The following NAALADL2 variants were observed in gnomAD, a reference collection of about 807,000 sequenced individuals.
The protein encoded by NAALADL2 is inactive N-acetylated-alpha-linked acidic dipeptidase-like protein 2.
NAALADL2 carries 76 observed loss-of-function variants against 87.2 expected under a neutral mutation model. The observed-to-expected ratio is 0.87, with a 90% confidence interval of 0.72 to 1.05. The LOEUF (loss-of-function observed/expected upper bound fraction) is 1.05, where lower values mean the gene tolerates loss of function less well. NAALADL2 is among the 50% of genes least tolerant of loss of function. NAALADL2 has a pLI of 0.00. For synonymous variants in NAALADL2, 354 were observed against 331.0 expected, an observed-to-expected ratio of 1.07 and a Z score of -0.75; for missense variants, 1,089 against 945.8, an observed-to-expected ratio of 1.15 and a Z score of -1.99.
intron 2 of NAALADL2, among the ~76,000 whole-genome samples, chr3:174,625,117 G>A (rs1212765452): frequency 6.9e-6 from 1 of 144,642 alleles, no homozygotes; most frequent in Non-Finnish European, 1.5e-5. Context: ...AGAGGGCAGT[G>A]GTACAATCAT....
chr3:175,095,904 A>C (rs371598067), intron 1 of NAALADL2, among the ~76,000 whole-genome samples: 1 of 152,246 alleles, frequency 6.6e-6, no homozygotes, highest in East Asian at 1.9e-4. Context: ...ATACAGACTT[A>C]AGACCACTTG....
At chr3:175,754,096 G>A (rs1249678787) in intron 12 of NAALADL2, among the ~76,000 whole-genome samples, 1 of 152,164 alleles carries the variant, frequency 6.6e-6, no homozygotes, top group African/African-American at 2.4e-5. Flanking sequence ...CATGATAAGA[G>A]AGTGATTTTT....
At chr3:175,423,850 C>T (rs1225757512) in intron 5 of NAALADL2, among the ~76,000 whole-genome samples, 1 of 152,158 alleles carries the variant, frequency 6.6e-6, no homozygotes, top group Non-Finnish European at 1.5e-5. Flanking sequence ...CACTGACTTC[C>T]ACAATGGTTG....
chr3:174,483,974 G>T (rs1288586836), intron 1 of NAALADL2, among the ~76,000 whole-genome samples: 1 of 152,068 alleles, frequency 6.6e-6, no homozygotes, highest in African/African-American at 2.4e-5. Flanking sequence ...GTACCTCAGA[G>T]ATAATAGCCA....
At chr3:175,592,386 T>A (rs1355492021) in intron 10 of NAALADL2, among the ~76,000 whole-genome samples, 1 of 151,906 alleles carries the variant, frequency 6.6e-6, no homozygotes, top group African/African-American at 2.4e-5. Flanking sequence ...CAGTTGTCAT[T>A]TAATCTTTAA....
intron 10 of NAALADL2, among the ~76,000 whole-genome samples, chr3:175,588,534 C>CTTTTGTTTTTTTTT (rs1720887287): frequency 1.3e-5 from 1 of 78,142 alleles, no homozygotes; most frequent in Non-Finnish European, 2.4e-5. Flanking sequence ...TCTTTCTTTT[C>CTTTTGTTTTTTTTT]TTTTTTTTTT....
intron 1 of NAALADL2, among the ~76,000 whole-genome samples, chr3:175,018,241 C>T (rs1751104400): frequency 1.3e-5 from 2 of 152,010 alleles, no homozygotes; most frequent in South Asian, 2.1e-4. Context: ...AATACGTACA[C>T]AAGGTGAATT....
intron 2 of NAALADL2, among the ~76,000 whole-genome samples, chr3:174,725,342 T>G (rs965131479): frequency 2.7e-5 from 4 of 146,552 alleles, no homozygotes; most frequent in African/African-American, 1.1e-4. Flanking sequence ...CTTAATTATT[T>G]AATTCTGTTT....
intron 11 of NAALADL2, among the ~76,000 whole-genome samples, chr3:175,725,803 G>A (rs1431536001): frequency 6.6e-6 from 1 of 152,096 alleles, no homozygotes; most frequent in Non-Finnish European, 1.5e-5. Context: ...TAAGGCTATT[G>A]TAAGGATTCA....
chr3:175,801,987 T>G (rs1186011161), intron 13 of NAALADL2, among the ~76,000 whole-genome samples: 1 of 152,088 alleles, frequency 6.6e-6, no homozygotes, highest in Admixed American at 6.6e-5. Context: ...GAGAGAACAG[T>G]GTAATGAATT....
At chr3:175,627,601 T>G (rs1002336146) in intron 11 of NAALADL2, among the ~76,000 whole-genome samples, 4 of 151,652 alleles carry the variant, frequency 2.6e-5, no homozygotes, top group African/African-American at 9.7e-5. Context: ...ATCATTTGTA[T>G]TACAAATCAA....
At chr3:174,905,105 C>T (rs948139365) in intron 1 of NAALADL2, among the ~76,000 whole-genome samples, 4 of 151,714 alleles carry the variant, frequency 2.6e-5, no homozygotes, top group South Asian at 2.1e-4. Context: ...AAATATAAAT[C>T]GTAATGATCA....
At chr3:174,506,584 A>C (rs1225833650) in intron 1 of NAALADL2, among the ~76,000 whole-genome samples, 1 of 152,210 alleles carries the variant, frequency 6.6e-6, no homozygotes, top group Non-Finnish European at 1.5e-5. Flanking sequence ...AATAATTCTG[A>C]AATGGCTTTT....
At chr3:174,924,134 C>T (rs1035720246) in intron 1 of NAALADL2, among the ~76,000 whole-genome samples, 5 of 151,868 alleles carry the variant, frequency 3.3e-5, no homozygotes, top group Non-Finnish European at 7.4e-5. Context: ...CATATGTATA[C>T]GTGTACCATG....
intron 1 of NAALADL2, among the ~76,000 whole-genome samples, chr3:175,037,078 C>T (rs1287951682): frequency 6.6e-6 from 1 of 151,964 alleles, no homozygotes; most frequent in Non-Finnish European, 1.5e-5. Flanking sequence ...CGTTTCTCAC[C>T]CATGAAGTCA....
intron 5 of NAALADL2, among the ~76,000 whole-genome samples, chr3:175,353,715 C>G (rs904165500): frequency 2.6e-5 from 4 of 152,210 alleles, no homozygotes; most frequent in Admixed American, 2.0e-4. Context: ...CTAACAACCA[C>G]TGATTTTCAA....
At chr3:175,444,235 A>C (rs950017459) in intron 5 of NAALADL2, among the ~76,000 whole-genome samples, 3 of 151,712 alleles carry the variant, frequency 2.0e-5, no homozygotes, top group Non-Finnish European at 4.4e-5. Context: ...AATGATAGAC[A>C]GCACATTGTG....
chr3:175,803,878 A>AACTT lies in NAALADL2; in HGVS notation c.*678_*681dup, dbSNP rs1282100173. On this transcript the variant is annotated 3_prime_UTR_variant, in exon 14 of 14. Transcript: ENST00000454872. Reference sequence around the variant, plus strand: ...TTTAAATGCAAATTTTTTTCCTAACAACTTACAAGGTGACTAGCTTTGAAA... The same window carrying AACTT: ...TTTAAATGCAAATTTTTTTCCTAACAACTTACTTACAAGGTGACTAGCTTTGAAA... 1.3e-5 allele frequency: 2 copies of AACTT among 152,376 alleles called. No homozygotes were observed. The highest frequency in any genetic ancestry group is 2.4e-5 in the African/African-American group (1 of 41,418). 9.4% of individuals were successfully genotyped at this position (152,376 alleles called of 1,614,324 possible).
chr3:175,035,836 C>T (rs1378280670), intron 1 of NAALADL2, among the ~76,000 whole-genome samples: 1 of 152,102 alleles, frequency 6.6e-6, no homozygotes, highest in Non-Finnish European at 1.5e-5. Flanking sequence ...AATTCAGATT[C>T]CTAAGTCCAA....
Sources: allele counts gnomAD v4.1 joint callset (sites outside exome capture counted in the v4.1 genomes callset), GRCh38; gene constraint gnomAD v4.1.1; transcripts MANE v1.5; gene names NCBI Gene and HGNC (gene_info 2026-07-23, HGNC 2026-07-21).